PPEF1: variants seen among roughly 807,000 people sequenced by gnomAD.
The protein encoded by PPEF1 is serine/threonine-protein phosphatase with EF-hands 1.
PPEF1 carries 12 observed loss-of-function variants against 53.3 expected under a neutral mutation model. The observed-to-expected ratio is 0.23, with a 90% CI of 0.14 to 0.36. PPEF1 has a LOEUF of 0.36. PPEF1 is among the 10% of genes least tolerant of loss of function. PPEF1 has a pLI of 1.00. For synonymous variants in PPEF1, 165 were observed against 176.7 expected, an observed-to-expected ratio of 0.93 and a Z score of 0.52; for missense variants, 334 against 490.4, an observed-to-expected ratio of 0.68 and a Z score of 3.01.
At chrX:18,821,483 T>C (rs2147756156) in intron 13 of PPEF1, among the ~76,000 whole-genome samples, 2 of 110,855 alleles carry the variant, frequency 1.8e-5, no homozygotes, top group South Asian at 3.8e-4. Flanking sequence ...TCTTGGCTCA[T>C]TGCAACCTCC....
At chrX:18,751,252 T>C (rs752606219) in intron 4 of PPEF1, among the ~76,000 whole-genome samples, 17 of 112,292 alleles carry the variant, frequency 1.5e-4, no homozygotes, top group African/African-American at 5.5e-4. Flanking sequence ...TTTGGTGTCA[T>C]ATCTAAGAAT....
rs763533733 is a variant in PPEF1 at position 18,730,323 on chromosome X, C to T, written c.174+15C>T. On this transcript the variant is annotated intron_variant, in intron 2 of 15. Transcript: ENST00000470157. ...GCCAAATGCAGGTCTGTTTTGCAAGCTTTTCTCTTCTTTTGATAAAATGAT... is the reference window on the plus strand; with the variant it reads ...GCCAAATGCAGGTCTGTTTTGCAAGTTTTTCTCTTCTTTTGATAAAATGAT... 8.4e-7 allele frequency: 1 copy of T among 1,191,599 alleles called. No homozygotes were observed. The highest frequency in any genetic ancestry group is 1.1e-6 in the Non-Finnish European group (1 of 883,612).
intron 1 of PPEF1, among the ~76,000 whole-genome samples, chrX:18,676,351 C>CA (rs1928675256): frequency 9.2e-6 from 1 of 108,466 alleles, no homozygotes; most frequent in Non-Finnish European, 1.9e-5. Flanking sequence ...GTAATCCCCC[C>CA]CACACACACA....
At chrX:18,707,073 C>T (rs759228063), upstream of PPEF1, among the ~76,000 whole-genome samples, 54 of 109,796 alleles carry the variant, frequency 4.9e-4, 1 homozygote, top group African/African-American at 1.6e-3. Context: ...GTAATCCGCC[C>T]GCCTCGGCCT....
At chrX:18,682,784 C>A (rs1294338018), upstream of PPEF1, among the ~76,000 whole-genome samples, 1 of 111,413 alleles carries the variant, frequency 9.0e-6, no homozygotes, top group Non-Finnish European at 1.9e-5. Flanking sequence ...TTCTCAGTCC[C>A]CAGTAAGTGG....
chrX:18,825,219 G>T (rs1469755896), intron 14 of PPEF1, among the ~76,000 whole-genome samples: 1 of 111,491 alleles, frequency 9.0e-6, no homozygotes, highest in African/African-American at 3.3e-5. Context: ...GTGATCATTT[G>T]CAGTGAAGAT....
intron 12 of PPEF1, among the ~76,000 whole-genome samples, chrX:18,807,816 C>T (rs960654852): frequency 2.7e-5 from 3 of 109,884 alleles, no homozygotes; most frequent in South Asian, 7.9e-4. Context: ...TGCCCCACCA[C>T]GCTGGGCTAA....
At chrX:18,825,949 T>C (rs941237824) in intron 15 of PPEF1, 114 bp downstream of exon 15, 2 of 479,586 alleles carry the variant, frequency 4.2e-6, no homozygotes, top group Non-Finnish European at 3.4e-6. Context: ...GTTTGACACC[T>C]TCATTGGTAA....
chrX:18,693,659 C>T (rs771167226), intron 4 of PPEF1, among the ~76,000 whole-genome samples: 58 of 112,126 alleles, frequency 5.2e-4, no homozygotes, highest in Non-Finnish European at 8.6e-4. Flanking sequence ...CTCCGCCTCC[C>T]GGGTTCAAGG....
chrX:18,717,032 C>T (rs1051230923), intron 1 of PPEF1, among the ~76,000 whole-genome samples: 3 of 107,259 alleles, frequency 2.8e-5, no homozygotes, highest in Non-Finnish European at 5.7e-5. Flanking sequence ...AGCATCTTGA[C>T]ATGCTCGGTG....
At chrX:18,815,859 G>T (rs965366566) in intron 12 of PPEF1, among the ~76,000 whole-genome samples, 1 of 106,744 alleles carries the variant, frequency 9.4e-6, no homozygotes, top group Admixed American at 1.0e-4. Context: ...TGCTTATGTT[G>T]GGTTCAGTTT....
intron 9 of PPEF1, among the ~76,000 whole-genome samples, chrX:18,788,194 G>A (rs1451069784): frequency 9.4e-6 from 1 of 105,991 alleles, no homozygotes; most frequent in Non-Finnish European, 1.9e-5. Flanking sequence ...GCGGGCGCCT[G>A]TAGTCAGTGC....
intron 6 of PPEF1, among the ~76,000 whole-genome samples, chrX:18,775,596 G>A (rs938779512): frequency 1.8e-5 from 2 of 112,152 alleles, no homozygotes; most frequent in Non-Finnish European, 3.8e-5. Flanking sequence ...GTTCTTTCTT[G>A]TATGTTCTTC....
In PPEF1 at chrX:18,733,075, G is replaced by A. The variant is rs775509130; in HGVS notation, c.175-673G>A. Among the ~76,000 whole-genome samples the A allele has an allele frequency of 7.2e-5, 8 of 111,210 alleles. No homozygotes were observed. The South Asian group carries it at 3.1e-3, about 43-fold the overall frequency. On this transcript the variant is annotated intron_variant, in intron 2 of 15. Coordinates refer to ENST00000470157, the MANE Select transcript of PPEF1 (RefSeq NM_001377996.1). ...AAAAACATTAGCTGGACATGGTGGC[G>A]AGTGCCTGTAATCCCAGCTACTCGG... is the stretch of plus-strand genomic sequence containing the variant.
intron 6 of PPEF1, among the ~76,000 whole-genome samples, chrX:18,765,084 A>G (rs1287975271): frequency 8.9e-6 from 1 of 112,036 alleles, no homozygotes; most frequent in Non-Finnish European, 1.9e-5. Flanking sequence ...GAGCTAACCA[A>G]TGACAGTGCT....
At chrX:18,680,337 A>G (rs1386711814), upstream of PPEF1, among the ~76,000 whole-genome samples, 1 of 108,658 alleles carries the variant, frequency 9.2e-6, no homozygotes, top group African/African-American at 3.4e-5. Flanking sequence ...CTGACTGTCT[A>G]CTGAAAATTG....
intron 6 of PPEF1, among the ~76,000 whole-genome samples, chrX:18,773,986 A>T (rs1198992915): frequency 8.9e-6 from 1 of 112,361 alleles, no homozygotes; most frequent in Non-Finnish European, 1.9e-5. Flanking sequence ...TGCAAGTTTC[A>T]TATTGTCATA....
intron 2 of PPEF1, among the ~76,000 whole-genome samples, chrX:18,733,160 T>G (rs1431335626): frequency 9.0e-6 from 1 of 111,336 alleles, no homozygotes; most frequent in Non-Finnish European, 1.9e-5. Flanking sequence ...GAGCCAAAAT[T>G]GTGCCATTGC....
At chrX:18,814,353 A>G (rs937368240) in intron 12 of PPEF1, among the ~76,000 whole-genome samples, 1 of 111,801 alleles carries the variant, frequency 8.9e-6, no homozygotes, top group Non-Finnish European at 1.9e-5. Context: ...TTGGGTATAT[A>G]CCTAGTAATG....
Sources: allele counts gnomAD v4.1 joint callset (sites outside exome capture counted in the v4.1 genomes callset), GRCh38; gene constraint gnomAD v4.1.1; transcripts MANE v1.5; gene names NCBI Gene and HGNC (gene_info 2026-07-23, HGNC 2026-07-21).